The following CHST11 variants were observed in gnomAD, a reference collection of about 807,000 sequenced individuals.
CHST11 encodes the protein C4S-1.
A neutral mutation model predicts 30.4 loss-of-function variants in CHST11; 9 were observed. The observed-to-expected ratio is 0.30, with a 90% CI of 0.18 to 0.52. The LOEUF (loss-of-function observed/expected upper bound fraction) is 0.52. Among genes scored for constraint, CHST11 ranks in the 20% least tolerant of loss-of-function variants. The pLI, the probability that CHST11 is intolerant of heterozygous loss-of-function variation, is 0.97. For synonymous variants in CHST11, 152 were observed against 187.8 expected, an observed-to-expected ratio of 0.81 and a Z score of 1.56; for missense variants, 348 against 460.6, an observed-to-expected ratio of 0.76 and a Z score of 2.24.
At chr12:104,680,178 G>T (rs938916381) in intron 2 of CHST11, among the ~76,000 whole-genome samples, 2 of 152,212 alleles carry the variant, frequency 1.3e-5, no homozygotes, top group South Asian at 4.1e-4. Context: ...TTGAGAGGAC[G>T]CAGGTGATAG....
chr12:104,603,675 T>A (rs2136048390), intron 2 of CHST11, among the ~76,000 whole-genome samples: 1 of 152,350 alleles, frequency 6.6e-6, no homozygotes, highest in East Asian at 1.9e-4. Flanking sequence ...AGGGGCTCTG[T>A]CAGTATGATT....
intron 1 of CHST11, among the ~76,000 whole-genome samples, chr12:104,471,733 G>A (rs1378866650): frequency 6.6e-6 from 1 of 152,146 alleles, no homozygotes; most frequent in African/African-American, 2.4e-5. Flanking sequence ...TATTGCAACA[G>A]GTACTCAATA....
chr12:104,661,144 T>C (rs2039594299), intron 2 of CHST11, among the ~76,000 whole-genome samples: 1 of 152,164 alleles, frequency 6.6e-6, no homozygotes, highest in Non-Finnish European at 1.5e-5. Context: ...AGTGACAACT[T>C]CTCCGAGACT....
intron 2 of CHST11, 49 bp downstream of exon 2, chr12:104,602,040 T>C: frequency 7.5e-7 from 1 of 1,325,720 alleles, no homozygotes; most frequent in Non-Finnish European, 1.1e-6. Context: ...TTTTTGTAGG[T>C]ATGGATACTA....
chr12:104,723,836 G>C (rs1031561078), intron 2 of CHST11, among the ~76,000 whole-genome samples: 1 of 152,186 alleles, frequency 6.6e-6, no homozygotes, highest in African/African-American at 2.4e-5. Context: ...TATATAAAAC[G>C]AATTCTGTTC....
chr12:104,489,118 C>A (rs7302553), intron 1 of CHST11, among the ~76,000 whole-genome samples: 3 of 152,114 alleles, frequency 2.0e-5, no homozygotes, highest in Admixed American at 6.5e-5. Flanking sequence ...CTCACTGCAA[C>A]CTCCACCTCC....
At position 104,457,348 on chromosome 12, in the gene CHST11, T is replaced by G. The variant is rs1593942570; in HGVS notation, c.-64T>G. 8.3e-7 allele frequency: 1 copy of G among 1,199,988 alleles called. No homozygotes were observed. The highest frequency in any genetic ancestry group is 1.2e-5 in the South Asian group (1 of 80,594). 74.3% of individuals were successfully genotyped at this position (1,199,988 alleles called of 1,614,324 possible). On this transcript the variant is annotated 5_prime_UTR_variant, in exon 1 of 3. Transcript: ENST00000303694. ...CCGGGCTCCGGTCCGCGCGGCGGGG[T>G]CCCTGCTCCTGCGCCCCGGGCGCGC...
In CHST11 at chr12:104,758,404, A is replaced by G. The variant is rs1566068584; in HGVS notation, c.*601A>G. The G allele has an allele frequency of 6.6e-6, 1 of 151,704 alleles. No homozygotes were observed. The highest frequency in any genetic ancestry group is 1.5e-5 in the Non-Finnish European group (1 of 67,902). 9.4% of individuals were successfully genotyped at this position (151,704 alleles called of 1,614,324 possible). On this transcript the variant is annotated 3_prime_UTR_variant, in exon 3 of 3. Transcript: ENST00000303694. Reference sequence around the variant, plus strand: ...AAGTCCCTTGCACTAAAGAAATGTGATTTTTTTTTAACCCAAGGAGAAAGT... The same window carrying G: ...AAGTCCCTTGCACTAAAGAAATGTGGTTTTTTTTTAACCCAAGGAGAAAGT...
chr12:104,691,463 G>T (rs979829087), intron 2 of CHST11, among the ~76,000 whole-genome samples: 1 of 151,760 alleles, frequency 6.6e-6, no homozygotes, highest in Non-Finnish European at 1.5e-5. Context: ...GGGGGCGGGG[G>T]GGAAACCAGG....
At chr12:104,591,870 C>T (rs1268672271) in intron 1 of CHST11, among the ~76,000 whole-genome samples, 2 of 151,798 alleles carry the variant, frequency 1.3e-5, no homozygotes, top group African/African-American at 2.4e-5. Flanking sequence ...TAAAATAAAA[C>T]TTGTCTCGGT....
chr12:104,515,802 T>C (rs1334704170), intron 1 of CHST11, among the ~76,000 whole-genome samples: 3 of 152,084 alleles, frequency 2.0e-5, no homozygotes, highest in African/African-American at 7.2e-5. Flanking sequence ...GCCCTGAACC[T>C]ACATGATGGG....
At chr12:104,651,054 A>T (rs1022421166) in intron 2 of CHST11, among the ~76,000 whole-genome samples, 15 of 152,170 alleles carry the variant, frequency 9.9e-5, no homozygotes, top group African/African-American at 3.4e-4. Flanking sequence ...CCCCATTTTC[A>T]AATAGCCAAG....
At chr12:104,473,051 G>C (rs1282004563) in intron 1 of CHST11, among the ~76,000 whole-genome samples, 1 of 152,088 alleles carries the variant, frequency 6.6e-6, no homozygotes, top group African/African-American at 2.4e-5. Flanking sequence ...TTGGTACCAG[G>C]GAGCCACAGA....
chr12:104,594,439 T>C (rs11112126), intron 1 of CHST11, among the ~76,000 whole-genome samples: 42,895 of 152,092 alleles, frequency 0.28, 6,214 homozygotes, highest in African/African-American at 0.34. Flanking sequence ...GGAGGACTTA[T>C]TGGCTTCTGT....
chr12:104,497,171 G>GA (rs2037805426), intron 1 of CHST11, among the ~76,000 whole-genome samples: 1 of 152,170 alleles, frequency 6.6e-6, no homozygotes, highest in East Asian at 1.9e-4. Flanking sequence ...ATATGTTGAA[G>GA]ACCTAACCCC....
intron 2 of CHST11, among the ~76,000 whole-genome samples, chr12:104,658,524 A>G (rs1273033257): frequency 6.6e-6 from 1 of 152,212 alleles, no homozygotes; most frequent in African/African-American, 2.4e-5. Flanking sequence ...GTACCTCAGC[A>G]TGTGCATTTT....
chr12:104,544,769 T>TCC (rs199741884), intron 1 of CHST11, among the ~76,000 whole-genome samples: 12 of 51,426 alleles, frequency 2.3e-4, no homozygotes, highest in Non-Finnish European at 4.8e-4. Context: ...GGGGTCACAG[T>TCC]CCCCCCACCC....
At chr12:104,627,795 A>ATGG (rs386377630) in intron 2 of CHST11, among the ~76,000 whole-genome samples, 120 of 148,894 alleles carry the variant, frequency 8.1e-4, no homozygotes, top group South Asian at 4.1e-3. Context: ...GATGATGATG[A>ATGG]TGGTGGTGGT....
chr12:104,741,343 T>C (rs1246521796), intron 2 of CHST11, among the ~76,000 whole-genome samples: 1 of 152,180 alleles, frequency 6.6e-6, no homozygotes, highest in Non-Finnish European at 1.5e-5. Flanking sequence ...CACCTCTCTC[T>C]TGGGGGAGGA....
Sources: allele counts gnomAD v4.1 joint callset (sites outside exome capture counted in the v4.1 genomes callset), GRCh38; gene constraint gnomAD v4.1.1; transcripts MANE v1.5; gene names NCBI Gene and HGNC (gene_info 2026-07-23, HGNC 2026-07-21).